The following SUCLG2 variants were observed in gnomAD, a reference collection of about 807,000 sequenced individuals.
SUCLG2 encodes succinate-CoA ligase GDP-forming subunit beta.
Under a neutral mutation model 47.9 loss-of-function variants are expected in SUCLG2, and 42 were observed. That is an observed-to-expected ratio of 0.88 (90% CI 0.69 to 1.14). The LOEUF (loss-of-function observed/expected upper bound fraction) is 1.14, where lower values mean the gene tolerates loss of function less well. SUCLG2 is among the 50% of genes most tolerant of loss of function. The pLI is 0.00. For synonymous variants in SUCLG2, 195 were observed against 197.3 expected, an observed-to-expected ratio of 0.99 and a Z score of 0.10; for missense variants, 571 against 525.9, an observed-to-expected ratio of 1.09 and a Z score of -0.84.
chr3:67,465,944 T>C (rs1361042937), intron 9 of SUCLG2, among the ~76,000 whole-genome samples: 1 of 152,128 alleles, frequency 6.6e-6, no homozygotes, highest in Non-Finnish European at 1.5e-5. Context: ...TATGGTTAAT[T>C]ATAGTCAGAG....
At chr3:67,469,458 G>A (rs935280951) in intron 9 of SUCLG2, among the ~76,000 whole-genome samples, 3 of 152,130 alleles carry the variant, frequency 2.0e-5, no homozygotes, top group South Asian at 2.1e-4. Flanking sequence ...GGCTGGGTGC[G>A]GTGGCTCACG....
intron 2 of SUCLG2, among the ~76,000 whole-genome samples, chr3:67,570,374 C>T (rs998820060): frequency 6.6e-6 from 1 of 152,184 alleles, no homozygotes; most frequent in African/African-American, 2.4e-5. Flanking sequence ...TTCCTTTTGT[C>T]AGGGACTGTG....
chr3:67,506,490 C>T (rs1224324208), intron 7 of SUCLG2, among the ~76,000 whole-genome samples: 1 of 136,154 alleles, frequency 7.3e-6, no homozygotes, highest in Non-Finnish European at 1.6e-5. Flanking sequence ...AAAAAAAAAT[C>T]TCAAGACTCT....
At chr3:67,540,360 A>T (rs1029694477) in intron 2 of SUCLG2, among the ~76,000 whole-genome samples, 2 of 151,954 alleles carry the variant, frequency 1.3e-5, no homozygotes, top group Non-Finnish European at 2.9e-5. Context: ...GCTTGGTGGG[A>T]GGAGGGGCAT....
At chr3:67,548,505 T>TA (rs1184035678) in intron 2 of SUCLG2, among the ~76,000 whole-genome samples, 4 of 152,270 alleles carry the variant, frequency 2.6e-5, no homozygotes, top group African/African-American at 9.6e-5. Flanking sequence ...TTAAAAATAT[T>TA]AGAGTTTAAA....
intron 2 of SUCLG2, among the ~76,000 whole-genome samples, chr3:67,576,989 C>T (rs115115773): frequency 2.8e-4 from 42 of 152,086 alleles, no homozygotes; most frequent in African/African-American, 9.6e-4. Context: ...ACTGATTGAT[C>T]GACCCAGGTA....
At chr3:67,420,539 G>A (rs945477056) in intron 9 of SUCLG2, among the ~76,000 whole-genome samples, 28 of 152,256 alleles carry the variant, frequency 1.8e-4, no homozygotes, top group African/African-American at 6.5e-4. Flanking sequence ...TCTTGTTACT[G>A]ATTTGCAAAA....
chr3:67,600,398 C>G (rs567387506), intron 2 of SUCLG2, among the ~76,000 whole-genome samples: 1 of 152,098 alleles, frequency 6.6e-6, no homozygotes, highest in East Asian at 1.9e-4. Context: ...AAATGTGTTT[C>G]GTTTATCTTT....
At chr3:67,450,439 TTC>T (rs1466724790) in intron 9 of SUCLG2, among the ~76,000 whole-genome samples, 18 of 152,216 alleles carry the variant, frequency 1.2e-4, no homozygotes. Context: ...CCAAGAGACT[TTC>T]TTGAGATTTT....
At chr3:67,433,613 A>G (rs1703541516) in intron 9 of SUCLG2, among the ~76,000 whole-genome samples, 1 of 152,190 alleles carries the variant, frequency 6.6e-6, no homozygotes, top group South Asian at 2.1e-4. Flanking sequence ...AATGAGGTAT[A>G]AACTGAGTAG....
At chr3:67,555,191 G>T (rs2107203666) in intron 2 of SUCLG2, among the ~76,000 whole-genome samples, 1 of 152,202 alleles carries the variant, frequency 6.6e-6, no homozygotes, top group Admixed American at 6.5e-5. Context: ...AAAGGTAGGA[G>T]GCTAGAAAGA....
intron 10 of SUCLG2, among the ~76,000 whole-genome samples, chr3:67,392,987 G>A (rs1279266771): frequency 6.6e-6 from 1 of 151,946 alleles, no homozygotes; most frequent in African/African-American, 2.4e-5. Flanking sequence ...AGAGATCACT[G>A]TACTTTTTAC....
At chr3:67,470,998 C>A (rs1255311931) in intron 9 of SUCLG2, among the ~76,000 whole-genome samples, 1 of 151,954 alleles carries the variant, frequency 6.6e-6, no homozygotes, top group South Asian at 2.1e-4. Flanking sequence ...TGATGGGTTA[C>A]GCAAAAAGGG....
At chr3:67,564,112 G>C (rs1194024477) in intron 2 of SUCLG2, among the ~76,000 whole-genome samples, 1 of 152,140 alleles carries the variant, frequency 6.6e-6, no homozygotes, top group Non-Finnish European at 1.5e-5. Context: ...TTTCCTACTA[G>C]AAAAATCAAG....
At chr3:67,571,400 G>A (rs1015716885) in intron 2 of SUCLG2, among the ~76,000 whole-genome samples, 32 of 152,210 alleles carry the variant, frequency 2.1e-4, no homozygotes, top group African/African-American at 3.6e-4. Flanking sequence ...GACATTTACC[G>A]GATGAACCCC....
rs374874651 is a variant in SUCLG2 at position 67,433,246 on chromosome 3, C to A, written c.1063-32395G>T. Among the ~76,000 whole-genome samples the A allele has an allele frequency of 2.0e-5, 3 of 152,246 alleles. No homozygotes were observed. The East Asian group carries it at 5.8e-4, about 29-fold the overall frequency. ...CCCTAAAGTTGACCTCCAGGAGAAA[C>A]CACTTCATATGGCTTCCCCAAACCC... On this transcript the variant is annotated intron_variant, in intron 9 of 10. Transcript: ENST00000307227.
chr3:67,499,940 C>T (rs1418279509), intron 7 of SUCLG2, among the ~76,000 whole-genome samples: 2 of 152,104 alleles, frequency 1.3e-5, no homozygotes, highest in East Asian at 3.9e-4. Context: ...ACCGTGTTAG[C>T]CAGGATGGTC....
At chr3:67,378,949 C>A (rs753027109) in intron 10 of SUCLG2, among the ~76,000 whole-genome samples, 1 of 151,992 alleles carries the variant, frequency 6.6e-6, no homozygotes, top group Non-Finnish European at 1.5e-5. Context: ...GACAGTTACA[C>A]GTGTAAATTT....
chr3:67,654,499 T>C lies in SUCLG2; in HGVS notation c.84+4A>G. 8.1e-7 allele frequency: 1 copy of C among 1,237,526 alleles called. No homozygotes were observed. The highest frequency in any genetic ancestry group is 1.0e-6 in the Non-Finnish European group (1 of 989,650). 76.7% of individuals were successfully genotyped at this position (1,237,526 alleles called of 1,614,324 possible). On this transcript the variant is annotated splice_donor_region_variant and intron_variant, in intron 1 of 10. Transcript: ENST00000307227. ...GCGCCCGCAGCTCCTGCCCCCACGC[T>C]CACCTGGGACCCGGCCGCCAGGAAG...
Sources: allele counts gnomAD v4.1 joint callset (sites outside exome capture counted in the v4.1 genomes callset), GRCh38; gene constraint gnomAD v4.1.1; transcripts MANE v1.5; gene names NCBI Gene and HGNC (gene_info 2026-07-23, HGNC 2026-07-21).